The following KCNQ4 variants were observed in gnomAD, a reference collection of about 807,000 sequenced individuals.
KCNQ4 encodes the protein potassium voltage-gated channel subfamily Q member 4, also known as potassium voltage-gated channel subfamily KQT member 4.
KCNQ4 carries 31 observed loss-of-function variants against 72.6 expected under a neutral mutation model. The ratio of observed to expected loss-of-function variants is 0.43; its 90% CI spans 0.32 to 0.58. The LOEUF (loss-of-function observed/expected upper bound fraction) is 0.58. KCNQ4 is among the 20% of genes least tolerant of loss of function. The pLI is 0.08. For synonymous variants in KCNQ4, 405 were observed against 403.7 expected (o/e 1.00, Z -0.04); for missense variants, 869 against 962.6 (o/e 0.90, Z 1.29).
At position 40,784,349 on chromosome 1, in the gene KCNQ4, T is replaced by G. The variant is rs759935456; in HGVS notation, c.256T>G (p.Trp86Gly). ...CAAGCGCTACCGCCGCCTGCAGAAC[T>G]GGGTCTACAACGTGCTGGAGCGGCC... is the stretch of plus-strand genomic sequence containing the variant. ...AHKRYRRLQN[W>G]VYNVLERPRG... Residue 86 changes from tryptophan (W) to glycine (G), a missense_variant, in exon 1 of 14, where the codon TGG becomes GGG. Physicochemically the swap from Trp to Gly is radical, Grantham distance 184. Transcript: ENST00000347132. This position sits in a 1 kb window ranked among gnomAD's most constrained non-coding sequence, Gnocchi z 4.1. 2 of 1,609,982 alleles carry G rather than the reference T, an allele frequency of 1.2e-6. No individual in the cohort carries two copies. Among genetic ancestry groups the G allele is most frequent in the Non-Finnish European group, 1.7e-6 (2 of 1,179,278 alleles).
intron 12 of KCNQ4, 127 bp from the exon 13 acceptor site, chr1:40,837,538 C>A: frequency 8.1e-7 from 1 of 1,229,810 alleles, no homozygotes; most frequent in Non-Finnish European, 1.1e-6. Flanking sequence ...TCTGGCAGGG[C>A]AATGGCCCCT....
intron 1 of KCNQ4, among the ~76,000 whole-genome samples, chr1:40,810,072 A>G (rs80070483): frequency 6.9e-6 from 1 of 145,674 alleles, no homozygotes; most frequent in Non-Finnish European, 1.5e-5. Context: ...AAAAAAAAAG[A>G]ACTCTACAAT....
intron 7 of KCNQ4, among the ~76,000 whole-genome samples, chr1:40,821,090 C>A (rs192827157): frequency 2.6e-5 from 4 of 152,202 alleles, no homozygotes; most frequent in African/African-American, 9.7e-5. Context: ...CTCCAGCCAC[C>A]AGCTCAGCCT....
chr1:40,812,478 G>T (rs1647958063), intron 1 of KCNQ4, among the ~76,000 whole-genome samples: 1 of 152,120 alleles, frequency 6.6e-6, no homozygotes, highest in South Asian at 2.1e-4. Context: ...GCCCAGGCTG[G>T]TCTTGACCTC....
intron 7 of KCNQ4, among the ~76,000 whole-genome samples, chr1:40,821,762 A>G (rs1648300812): frequency 6.6e-6 from 1 of 152,224 alleles, no homozygotes; most frequent in Non-Finnish European, 1.5e-5. Flanking sequence ...CTTGCAGTCT[A>G]GGGGGAGAGA....
chr1:40,805,092 T>G (rs751781685), intron 1 of KCNQ4: 1 of 151,874 alleles, frequency 6.6e-6, no homozygotes, highest in African/African-American at 2.4e-5. Flanking sequence ...ATCACACCTG[T>G]GAATAGCCAC....
intron 1 of KCNQ4, among the ~76,000 whole-genome samples, chr1:40,801,441 G>C (rs1206035549): frequency 6.6e-6 from 1 of 152,158 alleles, no homozygotes; most frequent in Non-Finnish European, 1.5e-5. Context: ...TTGTATAAGA[G>C]GCTTTTCTCA....
intron 10 of KCNQ4, 94 bp from the exon 11 acceptor site, chr1:40,832,920 G>T: frequency 2.2e-6 from 2 of 890,192 alleles, no homozygotes; most frequent in Non-Finnish European, 3.8e-6. Context: ...TCTTCCTATT[G>T]GACACTCTAC....
chr1:40,821,932 C>T (rs1372313999), intron 7 of KCNQ4, among the ~76,000 whole-genome samples: 1 of 152,136 alleles, frequency 6.6e-6, no homozygotes, highest in Non-Finnish European at 1.5e-5. Context: ...CTCACAACAC[C>T]CTGGTAGGCA....
chr1:40,797,835 G>GT (rs1647460111), intron 1 of KCNQ4, among the ~76,000 whole-genome samples: 1 of 152,100 alleles, frequency 6.6e-6, no homozygotes, highest in Non-Finnish European at 1.5e-5. Flanking sequence ...ACTCTGGCTT[G>GT]GGGGGAGATG....
At chr1:40,792,992 T>TTTTC (rs962732542) in intron 1 of KCNQ4, among the ~76,000 whole-genome samples, 6 of 140,742 alleles carry the variant, frequency 4.3e-5, no homozygotes, top group South Asian at 2.3e-4. Flanking sequence ...CTTTCTTTTC[T>TTTTC]TTTCTTTCTT....
rs186321029 is a variant in KCNQ4 at position 40,833,814 on chromosome 1, T to A, written c.1613+701T>A. ...AAGTTCGAGACCAGCCTGGGCAGCATAGTGAAATCTTGTCTTTGCAAAAAA... is the reference window on the plus strand; with the variant it reads ...AAGTTCGAGACCAGCCTGGGCAGCAAAGTGAAATCTTGTCTTTGCAAAAAA... On this transcript the variant is annotated intron_variant, in intron 11 of 13. Coordinates refer to ENST00000347132, the MANE Select transcript of KCNQ4 (RefSeq NM_004700.4). Among the ~76,000 whole-genome samples, 278 of 140,610 alleles carry A rather than the reference T, an allele frequency of 2.0e-3. 1 individual carries two copies. The highest frequency in any genetic ancestry group is 6.3e-3 in the African/African-American group (237 of 37,482). 92.2% of individuals were successfully genotyped at this position (140,610 alleles called of 152,430 possible).
At chr1:40,837,458 G>A (rs750435607) in intron 12 of KCNQ4, among the ~76,000 whole-genome samples, 21 of 152,140 alleles carry the variant, frequency 1.4e-4, no homozygotes, top group Admixed American at 6.5e-5. Context: ...TTCGTGTGTG[G>A]TGCCTTTGCT....
intron 1 of KCNQ4, among the ~76,000 whole-genome samples, chr1:40,801,312 G>T (rs969239885): frequency 6.6e-6 from 1 of 152,076 alleles, no homozygotes; most frequent in African/African-American, 2.4e-5. Context: ...CTCAGTTTTT[G>T]TCTTCTTCTC....
At chr1:40,836,158 G>A (rs560643292) in intron 12 of KCNQ4, among the ~76,000 whole-genome samples, 63 of 152,314 alleles carry the variant, frequency 4.1e-4, no homozygotes, top group African/African-American at 1.4e-3. Context: ...AGACTTCCAC[G>A]CATGAGACCG....
chr1:40,792,966 G>A (rs959653378), intron 1 of KCNQ4, among the ~76,000 whole-genome samples: 2 of 150,882 alleles, frequency 1.3e-5, no homozygotes, highest in African/African-American at 4.9e-5. Context: ...TCCCCAAGGG[G>A]CCCCTGTGGG....
At chr1:40,823,184 C>T (rs1294694721) in intron 8 of KCNQ4, among the ~76,000 whole-genome samples, 1 of 152,204 alleles carries the variant, frequency 6.6e-6, no homozygotes, top group Non-Finnish European at 1.5e-5. Flanking sequence ...CACCTGGCTT[C>T]CCCATCCCTG....
chr1:40,827,961 C>T (rs1196093607), intron 9 of KCNQ4, among the ~76,000 whole-genome samples: 1 of 152,172 alleles, frequency 6.6e-6, no homozygotes, highest in Non-Finnish European at 1.5e-5. Flanking sequence ...TGAGCTGAAG[C>T]GTTGAGCTAA....
At position 40,784,130 on chromosome 1, in the gene KCNQ4, CCCCCG is replaced by C; in HGVS notation, c.41_45del (p.Pro14ArgfsTer220). 1 of 930,170 alleles carries C rather than the reference CCCCCG, an allele frequency of 1.1e-6. No homozygotes were observed. Among genetic ancestry groups the C allele is most frequent in the Non-Finnish European group, 1.3e-6 (1 of 763,760 alleles). The allele number at this position is 930,170 out of a possible 1,614,324, so 57.6% of individuals were successfully genotyped here. The stretch of plus-strand genomic sequence containing the variant: ...CCCCCCGCGCCGCCTCGGCCTGGGT[CCCCCG>C]CCCGGGGACGCCCCCCGCGCGGAGC... On this transcript the variant is annotated frameshift_variant, in exon 1 of 14. Coordinates refer to ENST00000347132, the MANE Select transcript of KCNQ4 (RefSeq NM_004700.4). LOFTEE classifies it high-confidence loss of function. The surrounding 1 kb of genome is among the most constrained non-coding windows in gnomAD (Gnocchi z 4.1).
Sources: allele counts gnomAD v4.1 joint callset (sites outside exome capture counted in the v4.1 genomes callset), GRCh38; gene constraint gnomAD v4.1.1; non-coding constraint Gnocchi (gnomAD v3.1); transcripts MANE v1.5; gene names NCBI Gene and HGNC (gene_info 2026-07-23, HGNC 2026-07-21).